The following LRRC2 variants were observed in gnomAD, a reference collection of about 807,000 sequenced individuals.
LRRC2 encodes leucine-rich repeat-containing protein 2.
A neutral mutation model predicts 40.2 loss-of-function variants in LRRC2; 27 were observed. That is an observed-to-expected ratio of 0.67 (90% CI 0.49 to 0.93). The LOEUF is 0.93. Ranked by LOEUF, LRRC2 falls within the 40% of genes least tolerant of loss-of-function variation. The probability of loss-of-function intolerance (pLI) is 0.00; values close to 1 mark genes in which losing one functional copy is unlikely to be tolerated. For synonymous variants in LRRC2, 147 were observed against 158.9 expected (o/e 0.92, Z 0.56); for missense variants, 402 against 439.6 (o/e 0.91, Z 0.76).
intron 2 of LRRC2, among the ~76,000 whole-genome samples, chr3:46,546,726 TTTTTTTTTTTG>T (rs1704533405): frequency 6.8e-6 from 1 of 148,142 alleles, no homozygotes; most frequent in Non-Finnish European, 1.5e-5. Context: ...TTTTTTTTTT[TTTTTTTTTTTG>T]AGACAGAGTT....
At chr3:46,540,201 T>C (rs1704355896) in intron 3 of LRRC2, among the ~76,000 whole-genome samples, 2 of 152,216 alleles carry the variant, frequency 1.3e-5, no homozygotes, top group South Asian at 2.1e-4. Context: ...GCTTTCACTC[T>C]AGTATTATCT....
rs1389442518 is a variant in LRRC2 at position 46,545,106 on chromosome 3, G to A, written c.273C>T (p.Pro91=). Residue 91 remains proline (P), a synonymous_variant, in exon 3 of 9, where the codon CCC becomes CCT. Coordinates refer to ENST00000395905, the MANE Select transcript of LRRC2 (RefSeq NM_024512.5). ...RNTLTRQSSL[P]KDRGKRSSAF... ...CACTGCTCCGTTTGCCTCTGTCCTT[G>A]GGAAGTGAACTCTGCCTTGTGAGAG... 6.2e-7 allele frequency: 1 copy of A among 1,614,044 alleles called. No individual in the cohort carries two copies.
At chr3:46,561,580 G>A (rs925135586) in intron 1 of LRRC2, among the ~76,000 whole-genome samples, 3 of 151,954 alleles carry the variant, frequency 2.0e-5, no homozygotes, top group African/African-American at 7.2e-5. Context: ...GAAGGGGCCG[G>A]GGAGTGAGCC....
At chr3:46,530,136 C>A in intron 5 of LRRC2, 86 bp from the exon 6 acceptor site, 1 of 1,098,270 alleles carries the variant, frequency 9.1e-7, no homozygotes, top group South Asian at 1.4e-5. Context: ...GATATTTCTT[C>A]CCCAAAGGCA....
intron 7 of LRRC2, among the ~76,000 whole-genome samples, chr3:46,527,210 T>C (rs943266100): frequency 6.6e-6 from 1 of 152,220 alleles, no homozygotes; most frequent in African/African-American, 2.4e-5. Context: ...CATGCATTTG[T>C]GCAGAAATCC....
intron 3 of LRRC2, among the ~76,000 whole-genome samples, chr3:46,544,326 C>G (rs1704478089): frequency 6.6e-6 from 1 of 152,190 alleles, no homozygotes; most frequent in Non-Finnish European, 1.5e-5. Flanking sequence ...CGAGACCAAC[C>G]TGGCCAACAT....
chr3:46,544,965 T>TTCA (rs1377317493), intron 3 of LRRC2, 81 bp downstream of exon 3: 3 of 1,303,550 alleles, frequency 2.3e-6, no homozygotes, highest in Non-Finnish European at 3.3e-6. Flanking sequence ...GGCAAAAGCA[T>TTCA]TCATTCATTC....
intron 2 of LRRC2, 61 bp from the exon 3 acceptor site, chr3:46,545,314 G>A: frequency 1.3e-6 from 2 of 1,488,206 alleles, no homozygotes; most frequent in Non-Finnish European, 1.9e-6. Flanking sequence ...CCTGCCTAGA[G>A]AAGTGAGTCA....
At chr3:46,543,312 G>A (rs531600590) in intron 3 of LRRC2, among the ~76,000 whole-genome samples, 2 of 152,128 alleles carry the variant, frequency 1.3e-5, no homozygotes, top group South Asian at 2.1e-4. Flanking sequence ...TTACCATACC[G>A]GGCACATTAA....
chr3:46,553,835 T>G (rs575863804), intron 1 of LRRC2, among the ~76,000 whole-genome samples: 161 of 152,288 alleles, frequency 1.1e-3, no homozygotes, highest in Non-Finnish European at 2.0e-3. Context: ...ATAAATGGCT[T>G]GCCAATAAGA....
intron 7 of LRRC2, among the ~76,000 whole-genome samples, chr3:46,523,851 C>T (rs13093282): frequency 0.064 from 9,808 of 152,236 alleles, 470 homozygotes; most frequent in South Asian, 0.17. Flanking sequence ...GTTCACACAT[C>T]TATCCACCCA....
intron 8 of LRRC2, among the ~76,000 whole-genome samples, chr3:46,520,416 C>T (rs1040547654): frequency 2.0e-5 from 3 of 151,944 alleles, no homozygotes; most frequent in African/African-American, 7.2e-5. Flanking sequence ...AAATAAATGG[C>T]TCTGTAATTT....
chr3:46,543,602 C>T (rs577281425), intron 3 of LRRC2, among the ~76,000 whole-genome samples: 5 of 142,974 alleles, frequency 3.5e-5, no homozygotes, highest in Non-Finnish European at 7.6e-5. Context: ...GGTGACAGAG[C>T]GAGACTCCAT....
intron 4 of LRRC2, 59 bp downstream of exon 4, chr3:46,538,986 C>T: frequency 2.6e-6 from 4 of 1,549,530 alleles, no homozygotes; most frequent in African/African-American, 1.4e-5. Context: ...CTGTCACCTG[C>T]CTGACAGCTG....
At chr3:46,526,501 A>G (rs1018978089) in intron 7 of LRRC2, among the ~76,000 whole-genome samples, 4 of 152,212 alleles carry the variant, frequency 2.6e-5, no homozygotes, top group Non-Finnish European at 5.9e-5. Flanking sequence ...TGGAAGACCT[A>G]TTCTAGTGGA....
chr3:46,545,497 G>A (rs376974940), intron 2 of LRRC2, among the ~76,000 whole-genome samples: 6 of 152,296 alleles, frequency 3.9e-5, no homozygotes, highest in East Asian at 3.9e-4. Flanking sequence ...CTGGCTATGC[G>A]TTTAATTATA....
chr3:46,526,862 T>C (rs927630263), intron 7 of LRRC2, among the ~76,000 whole-genome samples: 1 of 152,134 alleles, frequency 6.6e-6, no homozygotes, highest in Non-Finnish European at 1.5e-5. Flanking sequence ...TGGTCTCAGG[T>C]AGAATTAATG....
intron 4 of LRRC2, among the ~76,000 whole-genome samples, chr3:46,533,261 A>T (rs150826947): frequency 1.9e-4 from 29 of 152,272 alleles, no homozygotes; most frequent in African/African-American, 7.0e-4. Flanking sequence ...GAAGCTGCCT[A>T]CCTACTCCCT....
rs1703916804 is a variant in LRRC2 at position 46,518,942 on chromosome 3, T to C, written c.*72A>G. 2 of 1,031,854 alleles carry C rather than the reference T, an allele frequency of 1.9e-6. No individual in the cohort carries two copies. Among genetic ancestry groups the C allele is most frequent in the East Asian group, 2.4e-5 (1 of 42,078 alleles). The allele number at this position is 1,031,854 out of a possible 1,614,324, so 63.9% of individuals were successfully genotyped here. A position where few individuals can be genotyped will look rare whatever the true frequency, so the allele number is the denominator to read the frequency against. ...CCTTAAGCACAAGCCATTCTTCCTA[T>C]ATGACATGATCATAACAAAGATTTA... On this transcript the variant is annotated 3_prime_UTR_variant, in exon 9 of 9. Coordinates refer to ENST00000395905, the MANE Select transcript of LRRC2 (RefSeq NM_024512.5).
Sources: allele counts gnomAD v4.1 joint callset (sites outside exome capture counted in the v4.1 genomes callset), GRCh38; gene constraint gnomAD v4.1.1; transcripts MANE v1.5; gene names NCBI Gene and HGNC (gene_info 2026-07-23, HGNC 2026-07-21).